The following WNK2 variants were observed in gnomAD, a reference collection of about 807,000 sequenced individuals.
WNK2 encodes serine/threonine-protein kinase WNK2.
A neutral mutation model predicts 192.1 loss-of-function variants in WNK2; 67 were observed. The ratio of observed to expected loss-of-function variants is 0.35; its 90% CI spans 0.29 to 0.43. The LOEUF is 0.43. WNK2 is among the 20% of genes least tolerant of loss of function. The probability of loss-of-function intolerance (pLI) is 1.00; values close to 1 mark genes in which losing one functional copy is unlikely to be tolerated. For missense variants in WNK2, 2,698 were observed against 3,089.7 expected, an observed-to-expected ratio of 0.87 and a Z score of 3.01; for synonymous variants, 1,439 against 1,393.9, an observed-to-expected ratio of 1.03 and a Z score of -0.72.
At chr9:93,232,943 G>A (rs1309832001) in intron 4 of WNK2, among the ~76,000 whole-genome samples, 1 of 109,488 alleles carries the variant, frequency 9.1e-6, no homozygotes, top group African/African-American at 3.5e-5. Context: ...TCTAGGCAAT[G>A]TAGTGAGATC....
At chr9:93,238,831 C>T (rs1840258104) in intron 6 of WNK2, among the ~76,000 whole-genome samples, 2 of 152,264 alleles carry the variant, frequency 1.3e-5, no homozygotes, top group African/African-American at 2.4e-5. Context: ...AAGCCGGCTC[C>T]CCACCTCCAA....
In WNK2 at chr9:93,294,110, G is replaced by A. The variant is rs761943675; in HGVS notation, c.5708+937G>A. ...TTCACCAGTGCCTGAAGGCACGTTT[G>A]TAAGTCGTGTCCTGTTGGAAATCAC... On this transcript the variant is annotated intron_variant, in intron 23 of 29. Transcript: ENST00000427277. 3.4e-4 allele frequency among the ~76,000 whole-genome samples: 52 copies of A among 152,344 alleles called. No homozygotes were observed. In the Middle Eastern group the frequency reaches 0.014, roughly 40 times the overall value.
Position 93,229,669 on chromosome 9 carries a change from C to T in WNK2, c.682-27C>T. On this transcript the variant is annotated intron_variant, in intron 2 of 29. Transcript: ENST00000427277. This position sits in a 1 kb window ranked among gnomAD's most constrained non-coding sequence, Gnocchi z 4.9. ...TCCCCTTCTGTGTCCCATCTCTTGC[C>T]CACTTAGCATGTCTCTTGCCCTGTA... 1 of 1,602,996 alleles carries T rather than the reference C, an allele frequency of 6.2e-7. No individual in the cohort carries two copies. Among genetic ancestry groups the T allele is most frequent in the South Asian group, 1.1e-5 (1 of 90,172 alleles).
rs1435288883 is a variant in WNK2 at position 93,184,968 on chromosome 9, G to C, written c.39G>C (p.Thr13=). 7.3e-6 allele frequency: 9 copies of C among 1,236,666 alleles called. No homozygotes were observed. The East Asian group carries it at 2.6e-4, about 35-fold the overall frequency. The allele number at this position is 1,236,666 out of a possible 1,614,324, so 76.6% of individuals were successfully genotyped here. Residue 13 remains threonine (T), a synonymous_variant, in exon 2 of 30, where the codon ACG becomes ACC. Coordinates refer to ENST00000427277, the MANE Select transcript of WNK2 (RefSeq NM_006648.4). ...GDGGRRDVPG[T]LMEPGRGAGP... is the part of the protein sequence containing the mutation. ...GCGGCCGCCGAGACGTCCCCGGCAC[G>C]CTGATGGAGCCCGGGCGCGGCGCGG...
At chr9:93,189,522 C>T (rs1380918354) in intron 2 of WNK2, among the ~76,000 whole-genome samples, 1 of 152,196 alleles carries the variant, frequency 6.6e-6, no homozygotes, top group Non-Finnish European at 1.5e-5. Flanking sequence ...ACGATGTGTC[C>T]TGCCCCAGCC....
At chr9:93,312,201 G>A (rs1382969869) in intron 28 of WNK2, among the ~76,000 whole-genome samples, 2 of 152,136 alleles carry the variant, frequency 1.3e-5, no homozygotes, top group Non-Finnish European at 2.9e-5. Context: ...AGTGCCTTTG[G>A]ATGCACGAAA....
At chr9:93,228,862 A>T (rs879574910) in intron 2 of WNK2, among the ~76,000 whole-genome samples, 1 of 151,908 alleles carries the variant, frequency 6.6e-6, no homozygotes, top group Non-Finnish European at 1.5e-5. Flanking sequence ...GTGGCGAGGG[A>T]TGGGTGAGCT....
rs146306130 is a variant in WNK2, at chr9:93,259,014, C to T, written c.2466C>T (p.Thr822=). 31 of 1,612,930 alleles carry T rather than the reference C, an allele frequency of 1.9e-5. No homozygotes were observed. Among genetic ancestry groups the T allele is most frequent in the African/African-American group, 8.0e-5 (6 of 74,952 alleles). The part of the protein sequence containing the change: ...GLPPALPDLP[T]ATVPPVPPPQ... ...CTCCGGCCCTCCCAGACCTGCCGAC[C>T]GCGACTGTGCCTCCCGTGCCACCAC... The change falls in exon 12 of 30, where the codon ACC becomes ACT. Residue 822 remains threonine (T), a synonymous_variant. Transcript: ENST00000427277. The surrounding 1 kb of genome is among the most constrained non-coding windows in gnomAD (Gnocchi z 4.8).
At chr9:93,211,159 GA>G (rs1834483324) in intron 2 of WNK2, among the ~76,000 whole-genome samples, 1 of 7,004 alleles carries the variant, frequency 1.4e-4, no homozygotes, top group African/African-American at 5.5e-4. Context: ...TTCACTCACA[GA>G]TTCCCTCACT....
At chr9:93,307,127 G>A (rs1472678452) in intron 27 of WNK2, 10 of 459,650 alleles carry the variant, frequency 2.2e-5, no homozygotes, top group Middle Eastern at 1.2e-3. Flanking sequence ...TTCCAAAACC[G>A]TAGGAATGAG....
At chr9:93,267,693 A>C in intron 16 of WNK2, 53 bp from the exon 17 acceptor site, 1 of 1,496,126 alleles carries the variant, frequency 6.7e-7, no homozygotes, top group Non-Finnish European at 9.0e-7. Flanking sequence ...ATGAAGACCT[A>C]GGGTGGTCTT....
intron 2 of WNK2, among the ~76,000 whole-genome samples, chr9:93,206,221 T>C (rs553262108): frequency 6.6e-6 from 1 of 152,316 alleles, no homozygotes; most frequent in East Asian, 1.9e-4. Flanking sequence ...TCCTAACATG[T>C]AGGGCCCCAT....
chr9:93,250,257 C>T (rs1275104193), intron 8 of WNK2, among the ~76,000 whole-genome samples: 1 of 152,096 alleles, frequency 6.6e-6, no homozygotes, highest in Admixed American at 6.5e-5. Flanking sequence ...ACATGCATGC[C>T]CCACGTGTGT....
In WNK2 at chr9:93,306,714, T is replaced by TGG. The variant is rs1298300441; in HGVS notation, c.6215-62_6215-61insGG. 6.6e-5 allele frequency: 106 copies of TGG among 1,597,730 alleles called. No homozygotes were observed. In the East Asian group the frequency reaches 7.4e-4, roughly 11 times the overall value. ...ACGACTTTTGCTTAGTGTGGTAGCG[T>TGG]GTCCCAGTGTGTGCTGTTCTGCCTA... On this transcript the variant is annotated intron_variant, in intron 26 of 29. Transcript: ENST00000427277.
chr9:93,276,105 T>A (rs1846825484), intron 19 of WNK2, among the ~76,000 whole-genome samples: 1 of 152,156 alleles, frequency 6.6e-6, no homozygotes, highest in South Asian at 2.1e-4. Context: ...ATTCTAAAAT[T>A]TATATGGAAG....
rs61753900 is a variant in WNK2 at position 93,267,806 on chromosome 9, G to A, written c.3757G>A (p.Val1253Ile). 42 of 1,612,264 alleles carry A rather than the reference G, an allele frequency of 2.6e-5. No homozygotes were observed. Among genetic ancestry groups the A allele is most frequent in the Non-Finnish European group, 2.9e-5 (34 of 1,179,390 alleles). The change falls in exon 17 of 30, where the codon GTC (valine) becomes ATC (isoleucine). Residue 1253 changes from valine (V) to isoleucine (I), a missense_variant. Transcript: ENST00000427277. ...RETFIEQMKD[V>I]MDKAEDMLSE... ...AACGTTCATCGAGCAGATGAAGGAT[G>A]TCATGGACAAGGCAGAGGACATGCT...
At chr9:93,297,398 A>G (rs1850783949) in intron 23 of WNK2, among the ~76,000 whole-genome samples, 1 of 152,132 alleles carries the variant, frequency 6.6e-6, no homozygotes, top group South Asian at 2.1e-4. Context: ...TGACTTCTTC[A>G]TGCCGTGTTG....
At chr9:93,283,058 A>C (rs1847958669) in intron 19 of WNK2, among the ~76,000 whole-genome samples, 1 of 152,218 alleles carries the variant, frequency 6.6e-6, no homozygotes, top group South Asian at 2.1e-4. Flanking sequence ...TTCGGCAAAG[A>C]AGAAATTACA....
Position 93,292,974 on chromosome 9 carries a change from G to A in WNK2, c.5509G>A (p.Val1837Met), listed in dbSNP as rs572566317. The A allele has an allele frequency of 2.1e-5, 33 of 1,544,034 alleles. No homozygotes were observed. Among genetic ancestry groups the A allele is most frequent in the East Asian group, 2.0e-4 (9 of 43,966 alleles). The change falls in exon 23 of 30, where the codon GTG becomes ATG. Residue 1837 changes from valine to methionine, a missense_variant. Transcript: ENST00000427277. ...GAGTGGCAGCGTGGCTGGCGACTTC[G>A]TGAAGAAGGCCACCGCCTTCCTGCA... ...PVSGSVAGDF[V>M]KKATAFLQRP...
Sources: gnomAD v4.1 joint callset for allele counts (sites outside exome capture counted in the v4.1 genomes callset) on GRCh38, gnomAD v4.1.1 for gene constraint, Gnocchi (gnomAD v3.1) non-coding constraint, MANE v1.5 for transcripts, NCBI Gene and HGNC (gene_info 2026-07-23, HGNC 2026-07-21) for gene names.